The following SMG1 variants were observed in gnomAD, a reference collection of about 807,000 sequenced individuals.
SMG1 encodes serine/threonine-protein kinase SMG1.
A neutral mutation model predicts 419.9 loss-of-function variants in SMG1; 22 were observed. That is an observed-to-expected ratio of 0.05 (90% confidence interval 0.04 to 0.07). SMG1 has a LOEUF of 0.07. Ranked by LOEUF, SMG1 falls within the 10% of genes least tolerant of loss-of-function variation. The pLI, the probability that SMG1 is intolerant of heterozygous loss-of-function variation, is 1.00. For missense variants in SMG1, 3,185 were observed against 4,342.0 expected (o/e 0.73, Z 7.49); for synonymous variants, 1,538 against 1,553.5 (o/e 0.99, Z 0.23).
chr16:18,868,105 T>A (rs2035621170), intron 22 of SMG1, 85 bp downstream of exon 22: 3 of 993,894 alleles, frequency 3.0e-6, no homozygotes, highest in Non-Finnish European at 4.5e-6. Flanking sequence ...ACTTATTTTA[T>A]CCATAGATTA....
chr16:18,838,595 G>A lies in SMG1; in HGVS notation c.7040C>T (p.Thr2347Ile). 1 of 1,613,502 alleles carries A rather than the reference G, an allele frequency of 6.2e-7. No homozygotes were observed. The highest frequency in any genetic ancestry group is 8.5e-7 in the Non-Finnish European group (1 of 1,179,554). Residue 2347 changes from threonine to isoleucine, a missense_variant, in exon 43 of 63, where the codon ACT becomes ATT. Transcript: ENST00000446231. ...HLDNVLIDMT[T>I]GEVVHIDYNV... is the part of the protein sequence containing the mutation. ...GTAATCTATGTGAACAACTTCTCCA[G>A]TCGTCATATCTATAAGAACATTATC...
At chr16:18,906,388 C>A (rs1156737939) in intron 1 of SMG1, among the ~76,000 whole-genome samples, 3 of 152,014 alleles carry the variant, frequency 2.0e-5, no homozygotes, top group African/African-American at 4.8e-5. Flanking sequence ...GAGACTGACA[C>A]AGGAGAATCG....
intron 9 of SMG1, among the ~76,000 whole-genome samples, chr16:18,883,548 C>A (rs565711767): frequency 6.6e-6 from 1 of 152,152 alleles, no homozygotes; most frequent in Admixed American, 6.6e-5. Flanking sequence ...TAAAGCTTTG[C>A]GAAATACGAA....
At position 18,905,060 on chromosome 16, in the gene SMG1, G is replaced by T. The variant is rs2037505717; in HGVS notation, c.93-8104C>A. On this transcript the variant is annotated intron_variant, in intron 1 of 62. Transcript: ENST00000446231. ...GCAGATCATGAGTTCAGGAGTTTGA[G>T]ACCAGCCTGGGCAACATAGTGAAAC... is the stretch of plus-strand genomic sequence containing the variant. 3.3e-5 allele frequency among the ~76,000 whole-genome samples: 5 copies of T among 152,066 alleles called. No individual in the cohort carries two copies. In the South Asian group the frequency reaches 1.0e-3, roughly 32 times the overall value.
chr16:18,892,064 C>T (rs1224515382), intron 4 of SMG1, among the ~76,000 whole-genome samples, 154 bp downstream of exon 4: 2 of 152,180 alleles, frequency 1.3e-5, no homozygotes, highest in African/African-American at 2.4e-5. Context: ...AAGATCTTGT[C>T]TTTAAGAAGA....
At chr16:18,893,614 T>C (rs1171381018) in intron 3 of SMG1, among the ~76,000 whole-genome samples, 8 of 149,714 alleles carry the variant, frequency 5.3e-5, no homozygotes, top group African/African-American at 2.0e-4. Context: ...AGCGAGACTG[T>C]CTCAAAAAAC....
chr16:18,839,946 C>T lies in SMG1; in HGVS notation c.6697G>A (p.Ala2233Thr). The T allele has an allele frequency of 6.5e-7, 1 of 1,541,544 alleles. No individual in the cohort carries two copies. The highest frequency in any genetic ancestry group is 8.7e-7 in the Non-Finnish European group (1 of 1,143,236). The change falls in exon 42 of 63, where the codon GCC becomes ACC. Residue 2233 changes from alanine (A) to threonine (T), a missense_variant and splice_region_variant. Ala to Thr is a moderately conservative substitution (Grantham distance 58). Transcript: ENST00000446231. The stretch of plus-strand genomic sequence containing the variant: ...TGAGGAGTTTGGTAGGAATCTTGGG[C>T]CTTAAGAAAAAACAATTTTTTTAAA... ...QREAALQAQK[A>T]QDSYQTPQNP...
chr16:18,872,870 C>T (rs915272734), intron 13 of SMG1, among the ~76,000 whole-genome samples: 1 of 152,146 alleles, frequency 6.6e-6, no homozygotes, highest in African/African-American at 2.4e-5. Flanking sequence ...AAAACAGCCA[C>T]AGGTCAGGTG....
intron 22 of SMG1, among the ~76,000 whole-genome samples, 176 bp from the exon 23 acceptor site, chr16:18,866,951 C>G (rs2035545083): frequency 6.6e-6 from 1 of 152,144 alleles, no homozygotes; most frequent in Admixed American, 6.6e-5. Flanking sequence ...AAAATAGCCA[C>G]AAAGGGTGAC....
Position 18,864,210 on chromosome 16 carries a change from T to C in SMG1, c.3351-66A>G, listed in dbSNP as rs8056825. The C allele has an allele frequency of 4.7e-4, 623 of 1,332,344 alleles. 1 individual carries two copies. In the African/African-American group the frequency reaches 8.4e-3, roughly 18 times the overall value. The allele number at this position is 1,332,344 out of a possible 1,614,324, so 82.5% of individuals were successfully genotyped here. On this transcript the variant is annotated intron_variant, in intron 23 of 62. Coordinates refer to ENST00000446231, the MANE Select transcript of SMG1 (RefSeq NM_015092.5). ...TACTTTTTTTTTTTTTTTTTTTTTT[T>C]TTGTGATGAAGTTTTGCTCTTCTTG...
intron 29 of SMG1, chr16:18,857,031 A>G (rs2034953252): frequency 6.6e-6 from 1 of 152,222 alleles, no homozygotes; most frequent in African/African-American, 2.4e-5. Flanking sequence ...ATAACTGAAG[A>G]GGAAAGCAGT....
intron 60 of SMG1, among the ~76,000 whole-genome samples, chr16:18,812,506 A>G (rs1199673221): frequency 6.6e-6 from 1 of 151,958 alleles, no homozygotes; most frequent in African/African-American, 2.4e-5. Flanking sequence ...TACAATGGTA[A>G]TATGATATTT....
chr16:18,867,275 T>C (rs533086907), intron 22 of SMG1, among the ~76,000 whole-genome samples: 1 of 152,174 alleles, frequency 6.6e-6, no homozygotes, highest in East Asian at 1.9e-4. Context: ...AGCTCATGCC[T>C]GTAATCCCAG....
chr16:18,837,007 T>C (rs1468645984), intron 46 of SMG1, among the ~76,000 whole-genome samples: 1 of 152,224 alleles, frequency 6.6e-6, no homozygotes, highest in Non-Finnish European at 1.5e-5. Flanking sequence ...TTCCAAGTTT[T>C]GTGTTCTAAC....
rs2034330562 is a variant in SMG1 at position 18,847,437 on chromosome 16, G to A, written c.5996+16C>T. The A allele has an allele frequency of 5.6e-6, 9 of 1,613,242 alleles. No homozygotes were observed. The East Asian group carries it at 2.0e-4, about 36-fold the overall frequency. ...TGGCAGCTTCACTGTCTCAGGACAA[G>A]TGTATGGAAACATACTTGCGTAAGG... On this transcript the variant is annotated intron_variant, in intron 38 of 62. Coordinates refer to ENST00000446231, the MANE Select transcript of SMG1 (RefSeq NM_015092.5).
Position 18,847,436 on chromosome 16 carries a change from A to G in SMG1, c.5996+17T>C, listed in dbSNP as rs1246829437. 6.2e-7 allele frequency: 1 copy of G among 1,612,948 alleles called. No homozygotes were observed. Among genetic ancestry groups the G allele is most frequent in the Non-Finnish European group, 8.5e-7 (1 of 1,178,956 alleles). Reference sequence around the variant, plus strand: ...GTGGCAGCTTCACTGTCTCAGGACAAGTGTATGGAAACATACTTGCGTAAG... The same window carrying G: ...GTGGCAGCTTCACTGTCTCAGGACAGGTGTATGGAAACATACTTGCGTAAG... On this transcript the variant is annotated intron_variant, in intron 38 of 62. Coordinates refer to ENST00000446231, the MANE Select transcript of SMG1 (RefSeq NM_015092.5).
Position 18,841,692 on chromosome 16 carries a change from G to T in SMG1, c.6569C>A (p.Ala2190Asp). The change falls in exon 41 of 63, where the codon GCT (alanine) becomes GAT (aspartate). Residue 2190 changes from alanine to aspartate, a missense_variant. Transcript: ENST00000446231. ...INRQETPRFH[A>D]RHYSVTPLGT... ...TAGTGGTGTTACAGAATAGTGTCGA[G>T]CATGGAACCGGGGTGTTTCTTGGCG... The T allele has an allele frequency of 6.2e-7, 1 of 1,613,968 alleles. No homozygotes were observed. Among genetic ancestry groups the T allele is most frequent in the Non-Finnish European group, 8.5e-7 (1 of 1,179,888 alleles).
intron 15 of SMG1, 105 bp downstream of exon 15, chr16:18,872,079 A>T (rs1259378759): frequency 1.6e-6 from 1 of 634,420 alleles, no homozygotes; most frequent in Non-Finnish European, 2.6e-6. Flanking sequence ...TCACCTCTAT[A>T]ATCCACATTT....
intron 4 of SMG1, among the ~76,000 whole-genome samples, chr16:18,891,386 TCTGCCTCAC>T (rs2036869352): frequency 1.3e-5 from 2 of 152,144 alleles, no homozygotes; most frequent in Non-Finnish European, 2.9e-5. Context: ...CCAAGTGTCA[TCTGCCTCAC>T]TAGACCATTT....
Sources: allele counts gnomAD v4.1 joint callset (sites outside exome capture counted in the v4.1 genomes callset), GRCh38; gene constraint gnomAD v4.1.1; transcripts MANE v1.5; gene names NCBI Gene and HGNC (gene_info 2026-07-23, HGNC 2026-07-21).